EVC2: variants seen among roughly 807,000 people sequenced by gnomAD.
EVC2 encodes the protein EvC ciliary complex subunit 2.
In EVC2, 148 loss-of-function variants were observed where a neutral mutation model predicts 149.3. The ratio of observed to expected loss-of-function variants is 0.99; its 90% CI spans 0.87 to 1.14. The LOEUF (loss-of-function observed/expected upper bound fraction) is 1.14, where lower values mean the gene tolerates loss of function less well. Ranked by LOEUF, EVC2 falls within the 50% of genes most tolerant of loss-of-function variation. The pLI, the probability that EVC2 is intolerant of heterozygous loss-of-function variation, is 0.00. For synonymous variants in EVC2, 776 were observed against 649.9 expected, an observed-to-expected ratio of 1.19 and a Z score of -2.95; for missense variants, 1,854 against 1,627.3, an observed-to-expected ratio of 1.14 and a Z score of -2.40.
chr4:5,694,529 T>C (rs201317723), intron 2 of EVC2, 28 bp from the exon 3 acceptor site: 48 of 1,614,012 alleles, frequency 3.0e-5, no homozygotes, highest in South Asian at 2.1e-4. Context: ...ACCCGTTTTA[T>C]ATAATGCGGA....
intron 14 of EVC2, among the ~76,000 whole-genome samples, chr4:5,621,834 A>AC (rs1715709499): frequency 2.6e-5 from 4 of 152,236 alleles, no homozygotes; most frequent in Admixed American, 2.0e-4. Context: ...ACAGGGTGAG[A>AC]CCCCGTCTCT....
At chr4:5,682,827 C>T (rs1720443062) in intron 6 of EVC2, among the ~76,000 whole-genome samples, 1 of 151,548 alleles carries the variant, frequency 6.6e-6, no homozygotes, top group Non-Finnish European at 1.5e-5. Context: ...CCATTACACT[C>T]CAGCCTGGGC....
chr4:5,688,073 C>T (rs1253731105), intron 5 of EVC2, among the ~76,000 whole-genome samples: 1 of 152,144 alleles, frequency 6.6e-6, no homozygotes, highest in Non-Finnish European at 1.5e-5. Flanking sequence ...ATCTTTATAT[C>T]ATTGAAGGCA....
intron 9 of EVC2, among the ~76,000 whole-genome samples, chr4:5,646,626 C>A (rs1416269022): frequency 6.6e-6 from 1 of 152,154 alleles, no homozygotes; most frequent in African/African-American, 2.4e-5. Context: ...TATCAATTTT[C>A]TAATTAAAGG....
chr4:5,591,093 G>C (rs1185939575), intron 16 of EVC2, among the ~76,000 whole-genome samples: 1 of 152,150 alleles, frequency 6.6e-6, no homozygotes, highest in Non-Finnish European at 1.5e-5. Context: ...GATGAGATTG[G>C]GTGGAGACAC....
At chr4:5,707,242 C>A (rs1722264625) in intron 1 of EVC2, among the ~76,000 whole-genome samples, 1 of 152,276 alleles carries the variant, frequency 6.6e-6, no homozygotes, top group African/African-American at 2.4e-5. Context: ...CTTTTGAAAG[C>A]TCAGGACACT....
rs1379458590 is a variant in EVC2 at position 5,637,814 on chromosome 4, T to C, written c.1470+2700A>G. Among the ~76,000 whole-genome samples, 1 of 151,964 alleles carries C rather than the reference T, an allele frequency of 6.6e-6. No homozygotes were observed. The highest frequency in any genetic ancestry group is 1.5e-5 in the Non-Finnish European group (1 of 67,978). On this transcript the variant is annotated intron_variant, in intron 10 of 21. Transcript: ENST00000344408. The surrounding 1 kb of genome is among the most constrained non-coding windows in gnomAD (Gnocchi z 4.4). ...TGTGGGATGGGCTTCTCTCTTTTTTTTTTTTTTCAGGGCTTTTTCTTTTTC... is the reference window on the plus strand; with the variant it reads ...TGTGGGATGGGCTTCTCTCTTTTTTCTTTTTTTCAGGGCTTTTTCTTTTTC...
At chr4:5,671,413 CCT>C (rs1462332325) in intron 7 of EVC2, among the ~76,000 whole-genome samples, 1 of 152,206 alleles carries the variant, frequency 6.6e-6, no homozygotes, top group Non-Finnish European at 1.5e-5. Flanking sequence ...TTTTGGAACT[CCT>C]GAGTCTCTGG....
rs1048449667 is a variant in EVC2, at chr4:5,625,203, C to G, written c.2046+546G>C. Among the ~76,000 whole-genome samples, 3 of 151,938 alleles carry G rather than the reference C, an allele frequency of 2.0e-5. No individual in the cohort carries two copies. The highest frequency in any genetic ancestry group is 2.0e-4 in the Admixed American group (3 of 15,256). On this transcript the variant is annotated intron_variant, in intron 13 of 21. Coordinates refer to ENST00000344408, the MANE Select transcript of EVC2 (RefSeq NM_147127.5). This position sits in a 1 kb window ranked among gnomAD's most constrained non-coding sequence, Gnocchi z 4.0. ...CATTGACTTGCTGCTGCATTCCCTT[C>G]CAGGCCCTACCCTCGTCCCTCTGCA...
At chr4:5,697,446 T>C (rs1046648023) in intron 2 of EVC2, 147 bp downstream of exon 2, 2 of 789,564 alleles carry the variant, frequency 2.5e-6, no homozygotes, top group African/African-American at 1.7e-5. Flanking sequence ...GCCCTAGTTC[T>C]GTAAGGTCAG....
the EVC2 span, among the ~76,000 whole-genome samples, chr4:5,532,436 G>A: frequency 2.1e-4 from 32 of 152,214 alleles, no homozygotes; most frequent in Admixed American, 1.3e-3. Flanking sequence ...ACTATGGCCC[G>A]GCCAAGTTGA....
intron 9 of EVC2, among the ~76,000 whole-genome samples, chr4:5,652,319 G>T (rs1037742348): frequency 1.3e-5 from 2 of 151,448 alleles, no homozygotes; most frequent in African/African-American, 4.9e-5. Context: ...TCAGCCGGTT[G>T]TTTGTAGTAA....
rs576236561 is a variant in EVC2 at position 5,582,202 on chromosome 4, C to T, written c.3057+2421G>A. On this transcript the variant is annotated intron_variant, in intron 17 of 21. Transcript: ENST00000344408. ...TCCTCTAGATTCTGGAATGATAGATCCACTGACAGCTTGTATCCTGTGCCT... is the reference window on the plus strand; with the variant it reads ...TCCTCTAGATTCTGGAATGATAGATTCACTGACAGCTTGTATCCTGTGCCT... Among the ~76,000 whole-genome samples, 11 of 152,306 alleles carry T rather than the reference C, an allele frequency of 7.2e-5. No homozygotes were observed. In the South Asian group the frequency reaches 2.3e-3, roughly 32 times the overall value.
At chr4:5,651,443 G>A (rs150808546) in intron 9 of EVC2, among the ~76,000 whole-genome samples, 5 of 152,044 alleles carry the variant, frequency 3.3e-5, no homozygotes, top group African/African-American at 9.6e-5. Context: ...GGAATGAGTA[G>A]GTGTATGGGT....
Position 5,568,458 on chromosome 4 carries a change from G to T in EVC2, c.3543C>A (p.Asp1181Glu). The T allele has an allele frequency of 6.4e-7, 1 of 1,562,950 alleles. No homozygotes were observed. ...AESDGGAEQA[D>E]VGRRRKHQSW... ...ACGGCACTCACCTCCGCCTGCCCACGTCGGCCTGCTCCGCTCCGCCATCGC... is the reference window on the plus strand; with the variant it reads ...ACGGCACTCACCTCCGCCTGCCCACTTCGGCCTGCTCCGCTCCGCCATCGC... The change falls in exon 20 of 22, where the codon GAC (aspartate) becomes GAA (glutamate). Residue 1181 changes from aspartate to glutamate, a missense_variant. By Grantham distance (45) the Asp-to-Glu change is conservative (BLOSUM62 2). Transcript: ENST00000344408.
intron 10 of EVC2, among the ~76,000 whole-genome samples, chr4:5,634,403 G>A (rs1003150020): frequency 5.9e-5 from 9 of 152,214 alleles, no homozygotes; most frequent in Admixed American, 2.0e-4. Flanking sequence ...CCATCAAAGC[G>A]ACCTTCTTTT....
intron 15 of EVC2, among the ~76,000 whole-genome samples, chr4:5,617,194 C>G (rs990827404): frequency 6.6e-6 from 1 of 151,982 alleles, no homozygotes; most frequent in Non-Finnish European, 1.5e-5. Context: ...TTTTTTCTTT[C>G]TCTAAAGGAA....
chr4:5,685,497 CAT>C lies in EVC2; in HGVS notation c.707-20_707-19del, dbSNP rs777343377. 3.5e-5 allele frequency: 57 copies of C among 1,611,606 alleles called. No individual in the cohort carries two copies. The East Asian group carries it at 6.5e-4, about 18-fold the overall frequency. ...ATCTCCCACTGCGCAGAGAAAAGCA[CAT>C]GTGACTCAGGGAGGGCTTGGCCACG... is the stretch of plus-strand genomic sequence containing the variant. On this transcript the variant is annotated intron_variant, in intron 5 of 21. Coordinates refer to ENST00000344408, the MANE Select transcript of EVC2 (RefSeq NM_147127.5).
At chr4:5,597,496 G>T (rs1389110175) in intron 16 of EVC2, among the ~76,000 whole-genome samples, 3 of 150,660 alleles carry the variant, frequency 2.0e-5, no homozygotes, top group Non-Finnish European at 3.0e-5. Context: ...ATGCAGAAAA[G>T]GCCTTTGACA....
Sources: allele counts gnomAD v4.1 joint callset (sites outside exome capture counted in the v4.1 genomes callset), GRCh38; gene constraint gnomAD v4.1.1; non-coding constraint Gnocchi (gnomAD v3.1); transcripts MANE v1.5; gene names NCBI Gene and HGNC (gene_info 2026-07-23, HGNC 2026-07-21).